RBFOX1: variants seen among roughly 807,000 people sequenced by gnomAD.
RBFOX1 encodes the protein RNA binding protein fox-1 homolog 1.
Under a neutral mutation model 57.7 loss-of-function variants are expected in RBFOX1, and 8 were observed. The observed-to-expected ratio is 0.14, with a 90% CI of 0.08 to 0.25. The LOEUF is 0.25. Among genes scored for constraint, RBFOX1 ranks in the 10% least tolerant of loss-of-function variants. The probability of loss-of-function intolerance (pLI) is 1.00; values close to 1 mark genes in which losing one functional copy is unlikely to be tolerated. For synonymous variants in RBFOX1, 326 were observed against 222.4 expected, an observed-to-expected ratio of 1.47 and a Z score of -4.15; for missense variants, 611 against 548.5, an observed-to-expected ratio of 1.11 and a Z score of -1.14.
At position 6,899,219 on chromosome 16, in the gene RBFOX1, A is replaced by G. The variant is rs563713869; in HGVS notation, c.-15-152838A>G. The stretch of plus-strand genomic sequence containing the variant: ...TGCATATGTGTGTATATGTGTGTGT[A>G]TGTGTGGATGCGTGTCCATGTGTAT... On this transcript the variant is annotated intron_variant, in intron 3 of 15. Coordinates refer to ENST00000550418, the MANE Select transcript of RBFOX1 (RefSeq NM_018723.4). Among the ~76,000 whole-genome samples, 226 of 130,932 alleles carry G rather than the reference A, an allele frequency of 1.7e-3. 1 individual carries two copies. Among genetic ancestry groups the G allele is most frequent in the African/African-American group, 9.1e-3 (201 of 22,102 alleles). 85.9% of individuals were successfully genotyped at this position (130,932 alleles called of 152,430 possible).
chr16:5,523,664 A>T (rs1044204975), intron 2 of RBFOX1, among the ~76,000 whole-genome samples: 3 of 152,318 alleles, frequency 2.0e-5, no homozygotes, highest in East Asian at 1.9e-4. Context: ...CAAAAACCTG[A>T]TACACTGATT....
chr16:6,789,221 A>T (rs966163339), intron 3 of RBFOX1, among the ~76,000 whole-genome samples: 1 of 152,144 alleles, frequency 6.6e-6, no homozygotes. Flanking sequence ...TGCACGTGAC[A>T]AGATGAATGT....
chr16:6,813,210 T>G (rs189247008), intron 3 of RBFOX1, among the ~76,000 whole-genome samples: 57 of 152,270 alleles, frequency 3.7e-4, no homozygotes, highest in Non-Finnish European at 6.0e-4. Flanking sequence ...CAAGGATGAT[T>G]GGCTAATTAC....
chr16:6,780,381 A>G (rs2080684556), intron 3 of RBFOX1, among the ~76,000 whole-genome samples: 1 of 96,546 alleles, frequency 1.0e-5, no homozygotes, highest in African/African-American at 4.8e-5. Context: ...AGATATATTT[A>G]TACATATTAT....
chr16:6,633,465 A>AT (rs1036703384), intron 2 of RBFOX1, among the ~76,000 whole-genome samples: 6 of 151,430 alleles, frequency 4.0e-5, no homozygotes, highest in East Asian at 3.9e-4. Flanking sequence ...TATTATTATT[A>AT]TTTTTTTTAG....
At chr16:6,635,221 A>G (rs1436009956) in intron 2 of RBFOX1, among the ~76,000 whole-genome samples, 4 of 150,240 alleles carry the variant, frequency 2.7e-5, no homozygotes, top group African/African-American at 4.8e-5. Flanking sequence ...AATTTAAAAT[A>G]TATAATACTT....
chr16:6,693,029 T>A (rs1035003658), intron 3 of RBFOX1, among the ~76,000 whole-genome samples: 2 of 151,712 alleles, frequency 1.3e-5, no homozygotes, highest in Non-Finnish European at 2.9e-5. Context: ...ATCAACATCA[T>A]CCCCATCCAC....
At chr16:7,476,792 A>G (rs8058285) in intron 4 of RBFOX1, among the ~76,000 whole-genome samples, 6,801 of 152,250 alleles carry the variant, frequency 0.045, 500 homozygotes, top group African/African-American at 0.15. Flanking sequence ...TCTCCCCACA[A>G]AATCCCTGCA....
chr16:6,656,611 C>CAG (rs1395871172), intron 3 of RBFOX1, among the ~76,000 whole-genome samples: 1 of 150,864 alleles, frequency 6.6e-6, no homozygotes, highest in Non-Finnish European at 1.5e-5. Context: ...CACACACACA[C>CAG]ACACACACAC....
At chr16:7,240,125 C>G (rs112779420) in intron 4 of RBFOX1, among the ~76,000 whole-genome samples, 157 of 152,240 alleles carry the variant, frequency 1.0e-3, no homozygotes, top group African/African-American at 3.6e-3. Context: ...CGCCACCACG[C>G]CTGGCTAATT....
chr16:5,609,400 C>A (rs879933394), intron 3 of RBFOX1, among the ~76,000 whole-genome samples: 1 of 152,150 alleles, frequency 6.6e-6, no homozygotes, highest in Non-Finnish European at 1.5e-5. Context: ...AATGTGAATG[C>A]CTGTCACCTT....
intron 2 of RBFOX1, among the ~76,000 whole-genome samples, chr16:6,333,086 C>A (rs1032134929): frequency 6.6e-5 from 10 of 152,138 alleles, no homozygotes; most frequent in Non-Finnish European, 1.2e-4. Context: ...GCCACCTAGG[C>A]TGGAGTGCGG....
rs542002562 is a variant in RBFOX1 at position 5,752,437 on chromosome 16, T to C, written c.319-114866T>C. Among the ~76,000 whole-genome samples the C allele has an allele frequency of 2.0e-5, 3 of 152,324 alleles. No homozygotes were observed. In the South Asian group the frequency reaches 6.2e-4, roughly 32 times the overall value. On this transcript the variant is annotated intron_variant, in intron 3 of 19. Transcript: ENST00000641259. ...TGTATCCTTTAACTTAAATGAGACA[T>C]TTTGCTCCAAACATTCACTATTGAA... is the stretch of plus-strand genomic sequence containing the variant.
intron 4 of RBFOX1, among the ~76,000 whole-genome samples, chr16:7,054,906 C>T (rs2051585821): frequency 6.6e-6 from 1 of 152,144 alleles, no homozygotes; most frequent in Admixed American, 6.5e-5. Flanking sequence ...CTGGAAATAG[C>T]AGATGATTTA....
chr16:5,714,381 C>T (rs959264942), intron 3 of RBFOX1, among the ~76,000 whole-genome samples: 1 of 152,166 alleles, frequency 6.6e-6, no homozygotes, highest in African/African-American at 2.4e-5. Context: ...CTTCCCCATA[C>T]CAATGACTGG....
intron 3 of RBFOX1, among the ~76,000 whole-genome samples, chr16:6,851,450 G>A (rs4129043): frequency 0.4 from 60,651 of 152,050 alleles, 12,656 homozygotes; most frequent in African/African-American, 0.51. Context: ...TGAATCTACA[G>A]TTATCTCAAA....
At chr16:7,345,006 G>A (rs974716735) in intron 4 of RBFOX1, among the ~76,000 whole-genome samples, 3 of 151,268 alleles carry the variant, frequency 2.0e-5, no homozygotes, top group Non-Finnish European at 4.4e-5. Flanking sequence ...TCCTCGTGGA[G>A]AAGATCAAAC....
At chr16:6,499,179 C>T (rs138734786) in intron 2 of RBFOX1, among the ~76,000 whole-genome samples, 2 of 152,098 alleles carry the variant, frequency 1.3e-5, no homozygotes, top group Non-Finnish European at 2.9e-5. Flanking sequence ...GCATCTCCTC[C>T]TATTGACTAG....
chr16:6,749,619 T>C (rs1394292073), intron 3 of RBFOX1, among the ~76,000 whole-genome samples: 2 of 152,158 alleles, frequency 1.3e-5, no homozygotes, highest in Non-Finnish European at 2.9e-5. Context: ...TGACCTCATA[T>C]ACATTCTTCA....
Sources: gnomAD v4.1 joint callset for allele counts (sites outside exome capture counted in the v4.1 genomes callset) on GRCh38, gnomAD v4.1.1 for gene constraint, MANE v1.5 for transcripts, NCBI Gene and HGNC (gene_info 2026-07-23, HGNC 2026-07-21) for gene names.